USP31: variants seen among roughly 807,000 people sequenced by gnomAD.
The protein encoded by USP31 is ubiquitin specific peptidase 31, also known as ubiquitin carboxyl-terminal hydrolase 31.
Under a neutral mutation model 119.4 loss-of-function variants are expected in USP31, and 44 were observed. The observed-to-expected ratio is 0.37, with a 90% CI of 0.29 to 0.47. USP31 has a LOEUF of 0.47. Among genes scored for constraint, USP31 ranks in the 20% least tolerant of loss-of-function variants. The pLI, the probability that USP31 is intolerant of heterozygous loss-of-function variation, is 0.99. For synonymous variants in USP31, 749 were observed against 705.6 expected (o/e 1.06, Z -0.97); for missense variants, 1,643 against 1,730.2 (o/e 0.95, Z 0.89).
intron 1 of USP31, among the ~76,000 whole-genome samples, chr16:23,134,429 A>G (rs1903123913): frequency 6.6e-6 from 1 of 152,202 alleles, no homozygotes; most frequent in South Asian, 2.1e-4. Flanking sequence ...TTTTCAAAAC[A>G]GCCTTATGAA....
Position 23,117,751 on chromosome 16 carries a change from C to CT in USP31, c.634-9569dup, listed in dbSNP as rs67615111. ...TACTACGTTTGATTTTTTTCCTTTT[C>CT]TTTTTTTTTTTGTTGTTGTTGTTGT... is the stretch of plus-strand genomic sequence containing the variant. On this transcript the variant is annotated intron_variant, in intron 1 of 15. Coordinates refer to ENST00000219689, the MANE Select transcript of USP31 (RefSeq NM_020718.4). 5.7e-3 allele frequency among the ~76,000 whole-genome samples: 814 copies of CT among 141,574 alleles called. 9 individuals carry two copies. The highest frequency in any genetic ancestry group is 0.017 in the African/African-American group (660 of 39,138). 92.9% of individuals were successfully genotyped at this position (141,574 alleles called of 152,430 possible).
intron 1 of USP31, among the ~76,000 whole-genome samples, chr16:23,147,458 C>T (rs1034242583): frequency 1.3e-5 from 2 of 152,170 alleles, no homozygotes; most frequent in Non-Finnish European, 2.9e-5. Context: ...GAAAGTATCC[C>T]TTACACAATC....
intron 1 of USP31, among the ~76,000 whole-genome samples, chr16:23,133,793 T>A (rs1050720399): frequency 2.6e-5 from 4 of 152,026 alleles, no homozygotes; most frequent in Non-Finnish European, 5.9e-5. Context: ...TCACACAGAT[T>A]GGCCAGGCGC....
intron 1 of USP31, among the ~76,000 whole-genome samples, chr16:23,146,546 A>C: frequency 6.6e-6 from 1 of 152,068 alleles, no homozygotes; most frequent in East Asian, 1.9e-4. Flanking sequence ...TAATAATAAT[A>C]ATAATTTTGA....
At chr16:23,083,961 C>T (rs557817629) in intron 11 of USP31, among the ~76,000 whole-genome samples, 25 of 152,174 alleles carry the variant, frequency 1.6e-4, no homozygotes, top group Non-Finnish European at 1.2e-4. Context: ...CCAGAGAAAA[C>T]ATGGTCTATC....
At chr16:23,088,001 T>C (rs1295538297) in intron 7 of USP31, among the ~76,000 whole-genome samples, 166 bp from the exon 8 acceptor site, 3 of 152,190 alleles carry the variant, frequency 2.0e-5, no homozygotes, top group Non-Finnish European at 4.4e-5. Flanking sequence ...CATAAGGAGA[T>C]GAACAGCTTG....
intron 1 of USP31, among the ~76,000 whole-genome samples, chr16:23,147,576 C>T (rs1452210944): frequency 6.6e-6 from 1 of 152,178 alleles, no homozygotes; most frequent in African/African-American, 2.4e-5. Context: ...TCAAATCTCA[C>T]CCTCTCACTA....
At chr16:23,108,690 GA>G (rs1383469897) in intron 1 of USP31, among the ~76,000 whole-genome samples, 1 of 152,128 alleles carries the variant, frequency 6.6e-6, no homozygotes, top group African/African-American at 2.4e-5. Flanking sequence ...TACATACAAA[GA>G]AAAAGTTCTA....
chr16:23,096,678 G>C (rs1056337875), intron 6 of USP31, among the ~76,000 whole-genome samples: 6 of 152,160 alleles, frequency 3.9e-5, no homozygotes, highest in African/African-American at 1.4e-4. Context: ...TAGAACTCAG[G>C]ATTAAGAAAC....
At chr16:23,092,753 T>C (rs1443149292) in intron 6 of USP31, among the ~76,000 whole-genome samples, 1 of 152,164 alleles carries the variant, frequency 6.6e-6, no homozygotes, top group Non-Finnish European at 1.5e-5. Context: ...ATTGTAAATA[T>C]GAGTAGACCA....
chr16:23,119,793 T>C (rs148821406), intron 1 of USP31, among the ~76,000 whole-genome samples: 97 of 152,348 alleles, frequency 6.4e-4, no homozygotes, highest in Middle Eastern at 3.4e-3. Context: ...TGAAGAACTA[T>C]GTCCTGCCCA....
chr16:23,136,881 G>A (rs1352001078), intron 1 of USP31, among the ~76,000 whole-genome samples: 1 of 152,164 alleles, frequency 6.6e-6, no homozygotes, highest in African/African-American at 2.4e-5. Flanking sequence ...ATATGCACTT[G>A]AAAAGTGCAT....
chr16:23,080,035 T>A lies in USP31; in HGVS notation c.2087A>T (p.Tyr696Phe). 1 of 1,614,010 alleles carries A rather than the reference T, an allele frequency of 6.2e-7. No homozygotes were observed. The highest frequency in any genetic ancestry group is 2.2e-5 in the East Asian group (1 of 44,858). ...PSHWSPWRRP[Y>F]GLGRDPEDYI... is the part of the protein sequence containing the mutation. ...GTCCTCAGGGTCCCTCCCGAGTCCATAGGGCCGTCTCCACGGGGACCAATG... is the reference window on the plus strand; with the variant it reads ...GTCCTCAGGGTCCCTCCCGAGTCCAAAGGGCCGTCTCCACGGGGACCAATG... The change falls in exon 13 of 16, where the codon TAT (tyrosine) becomes TTT (phenylalanine). Residue 696 changes from tyrosine (Y) to phenylalanine (F), a missense_variant. Around this residue, in one of 5 missense-constraint regions of USP31, gnomAD observed 279 missense variants for 372.2 expected, o/e 0.75. Transcript: ENST00000219689.
chr16:23,091,529 C>A (rs563521457), intron 6 of USP31, among the ~76,000 whole-genome samples: 2 of 152,212 alleles, frequency 1.3e-5, no homozygotes, highest in Admixed American at 6.5e-5. Context: ...ATAGAAGAAA[C>A]CCCTCCTGCC....
intron 1 of USP31, among the ~76,000 whole-genome samples, chr16:23,130,396 G>C (rs1025605990): frequency 6.8e-6 from 1 of 147,542 alleles, no homozygotes. Context: ...GCCCAGCCTG[G>C]TCAACAAAGT....
chr16:23,073,706 CAA>C lies in USP31; in HGVS notation c.2335+14_2335+15del, dbSNP rs537564273. The C allele has an allele frequency of 3.2e-3, 5,140 of 1,608,392 alleles. 12 individuals carry two copies. Among genetic ancestry groups the C allele is most frequent in the South Asian group, 6.4e-3 (581 of 90,904 alleles). On this transcript the variant is annotated intron_variant, in intron 14 of 15. Transcript: ENST00000219689. ...TGCTCTGGAAAAAACTGCCCAAGAA[CAA>C]GAGTGGACCTCACCTGCCACCGAGC...
At chr16:23,141,182 T>C (rs905826990) in intron 1 of USP31, among the ~76,000 whole-genome samples, 4 of 152,220 alleles carry the variant, frequency 2.6e-5, no homozygotes, top group East Asian at 1.9e-4. Context: ...GGCCTCTGCC[T>C]ACCTGGCCCC....
At position 23,087,081 on chromosome 16, in the gene USP31, A is replaced by T. The variant is rs575324548; in HGVS notation, c.1622+11T>A. On this transcript the variant is annotated intron_variant, in intron 9 of 15. Transcript: ENST00000219689. ...ATTCTAAAAGGTAATTTAAAAAAAAATTTTTTTTACCTTTCTACTATTGGG... is the reference window on the plus strand; with the variant it reads ...ATTCTAAAAGGTAATTTAAAAAAAATTTTTTTTTACCTTTCTACTATTGGG... 9.2e-4 allele frequency: 1,460 copies of T among 1,594,272 alleles called. 5 individuals carry two copies. Among genetic ancestry groups the T allele is most frequent in the Middle Eastern group, 3.4e-3 (20 of 5,942 alleles).
intron 1 of USP31, among the ~76,000 whole-genome samples, chr16:23,119,418 C>T (rs530869451): frequency 2.6e-5 from 4 of 152,244 alleles, no homozygotes; most frequent in Admixed American, 6.5e-5. Context: ...ATTGTTCAAC[C>T]TCAGCTGATT....
Sources: gnomAD v4.1 joint callset for allele counts (sites outside exome capture counted in the v4.1 genomes callset) on GRCh38, gnomAD v4.1.1 for gene constraint, gnomAD v4.1.1 regional missense constraint, MANE v1.5 for transcripts, NCBI Gene and HGNC (gene_info 2026-07-23, HGNC 2026-07-21) for gene names.